Variants in LRCH1 observed in about 807,000 individuals in gnomAD.
LRCH1 encodes leucine rich repeats and calponin homology domain containing 1.
In LRCH1, 23 loss-of-function variants were observed where a neutral mutation model predicts 94.9. The ratio of observed to expected loss-of-function variants is 0.24; its 90% confidence interval spans 0.17 to 0.34. The LOEUF is 0.34. LRCH1 is among the 10% of genes least tolerant of loss of function. The probability of loss-of-function intolerance (pLI) is 1.00; values close to 1 mark genes in which losing one functional copy is unlikely to be tolerated. For synonymous variants in LRCH1, 364 were observed against 354.9 expected (o/e 1.03, Z -0.29); for missense variants, 790 against 945.9 (o/e 0.84, Z 2.16).
chr13:46,553,504 C>T lies in LRCH1; in HGVS notation c.108C>T (p.His36=). 1.3e-6 allele frequency: 2 copies of T among 1,547,044 alleles called. No homozygotes were observed. The highest frequency in any genetic ancestry group is 8.7e-7 in the Non-Finnish European group (1 of 1,145,192). Residue 36 remains histidine, a synonymous_variant, in exon 1 of 20, where the codon CAC becomes CAT. Coordinates refer to ENST00000389797, the MANE Select transcript of LRCH1 (RefSeq NM_001164211.2). ...PHHHHHHHQH[H]GGTGAPGGAG... is the part of the protein sequence containing the mutation. ...ACCACCACCACCACCATCAGCACCA[C>T]GGAGGAACCGGCGCCCCCGGCGGGG...
At chr13:46,618,759 T>G (rs1309391359) in intron 1 of LRCH1, among the ~76,000 whole-genome samples, 1 of 152,196 alleles carries the variant, frequency 6.6e-6, no homozygotes, top group African/African-American at 2.4e-5. Context: ...GTAGAGATTT[T>G]TTTTTTCTTG....
intron 2 of LRCH1, among the ~76,000 whole-genome samples, chr13:46,651,323 T>A (rs1285326225): frequency 2.0e-5 from 3 of 152,204 alleles, no homozygotes; most frequent in African/African-American, 7.2e-5. Context: ...TTTGATTTAG[T>A]TGGCTACTGA....
chr13:46,717,570 A>G (rs1211724246), intron 16 of LRCH1: 1 of 152,140 alleles, frequency 6.6e-6, no homozygotes, highest in African/African-American at 2.4e-5. Flanking sequence ...TCTGACTTTT[A>G]TGTTTATCTT....
chr13:46,597,057 G>C (rs1270770748), intron 1 of LRCH1, among the ~76,000 whole-genome samples: 1 of 152,200 alleles, frequency 6.6e-6, no homozygotes, highest in Non-Finnish European at 1.5e-5. Flanking sequence ...TTCTGTATCT[G>C]TGAAATTGGC....
chr13:46,566,754 A>G (rs184153337), intron 1 of LRCH1, among the ~76,000 whole-genome samples: 1 of 152,316 alleles, frequency 6.6e-6, no homozygotes, highest in East Asian at 1.9e-4. Context: ...ATTTCTACAG[A>G]TGGTCCTCGG....
intron 17 of LRCH1, among the ~76,000 whole-genome samples, chr13:46,723,996 T>G (rs1356330125): frequency 6.6e-6 from 1 of 152,168 alleles, no homozygotes; most frequent in Non-Finnish European, 1.5e-5. Flanking sequence ...TTTATTTATT[T>G]ATGTGTTTTT....
intron 2 of LRCH1, among the ~76,000 whole-genome samples, chr13:46,654,537 T>G (rs893945135): frequency 1.3e-5 from 2 of 152,116 alleles, no homozygotes; most frequent in Non-Finnish European, 2.9e-5. Flanking sequence ...AATCTAGTGT[T>G]TTTTCTTCAG....
In LRCH1 at chr13:46,741,649, T is replaced by A. The variant is rs201825809; in HGVS notation, c.2093T>A (p.Leu698His). The change falls in exon 20 of 20, where the codon CTC becomes CAC. Residue 698 changes from leucine (L) to histidine (H), a missense_variant. Coordinates refer to ENST00000389797, the MANE Select transcript of LRCH1 (RefSeq NM_001164211.2). Reference sequence around the variant, plus strand: ...TGGCTGCCCTCGGAATAGGCTGACCTCTGCTCTCCGTGTGACATCCTGCAG... The same window carrying A: ...TGGCTGCCCTCGGAATAGGCTGACCACTGCTCTCCGTGTGACATCCTGCAG... ...CRKLGVPEAD[L>H]CSPCDILQLD... The A allele has an allele frequency of 6.8e-6, 11 of 1,614,170 alleles. No individual in the cohort carries two copies. The highest frequency in any genetic ancestry group is 8.5e-6 in the Non-Finnish European group (10 of 1,179,994).
chr13:46,684,880 C>G (rs1018050695), intron 4 of LRCH1, among the ~76,000 whole-genome samples: 9 of 152,296 alleles, frequency 5.9e-5, no homozygotes, highest in South Asian at 2.1e-4. Flanking sequence ...AGAATCTTTT[C>G]CTGCTGGAAT....
chr13:46,729,550 C>A (rs1312360944), intron 18 of LRCH1, among the ~76,000 whole-genome samples: 17 of 89,134 alleles, frequency 1.9e-4, no homozygotes, highest in African/African-American at 4.2e-4. Context: ...GACCCTGTCT[C>A]AAAAAAAAAA....
At chr13:46,727,564 G>A (rs563472217) in intron 17 of LRCH1, among the ~76,000 whole-genome samples, 1 of 152,260 alleles carries the variant, frequency 6.6e-6, no homozygotes, top group African/African-American at 2.4e-5. Context: ...GAGCAGTGGC[G>A]CAATCTCGGC....
intron 1 of LRCH1, among the ~76,000 whole-genome samples, chr13:46,641,464 C>G (rs1248817825): frequency 6.6e-6 from 1 of 152,166 alleles, no homozygotes; most frequent in East Asian, 1.9e-4. Flanking sequence ...ACAGATTCAC[C>G]TTTTACCCAG....
In LRCH1 at chr13:46,632,493, ATAT is replaced by A. The variant is rs1594301103; in HGVS notation, c.308-17707_308-17705del. ...TTATGTCCACTTTAGCATGAGACTA[ATAT>A]ACAGTTTGAACTTCAGGGGAGAAAA... On this transcript the variant is annotated intron_variant, in intron 1 of 19. Coordinates refer to ENST00000389797, the MANE Select transcript of LRCH1 (RefSeq NM_001164211.2). Among the ~76,000 whole-genome samples, 8 of 152,358 alleles carry A rather than the reference ATAT, an allele frequency of 5.3e-5. No individual in the cohort carries two copies. In the East Asian group the frequency reaches 1.5e-3, roughly 29 times the overall value.
At position 46,607,593 on chromosome 13, in the gene LRCH1, T is replaced by TTTCTCC. The variant is rs527663901; in HGVS notation, c.308-42590_308-42585dup. Among the ~76,000 whole-genome samples the TTTCTCC allele has an allele frequency of 1.1e-4, 17 of 152,116 alleles. No individual in the cohort carries two copies. The East Asian group carries it at 3.3e-3, about 29-fold the overall frequency. ...ATTCATTGTTCTTCTCCTTCTCCTT[T>TTTCTCC]TTCTCCTTCTCCTTCTCCTTCTCTT... On this transcript the variant is annotated intron_variant, in intron 1 of 19. Coordinates refer to ENST00000389797, the MANE Select transcript of LRCH1 (RefSeq NM_001164211.2).
At chr13:46,580,198 T>C (rs1427954110) in intron 1 of LRCH1, among the ~76,000 whole-genome samples, 3 of 152,246 alleles carry the variant, frequency 2.0e-5, no homozygotes, top group African/African-American at 7.2e-5. Context: ...GAAAGCTTGG[T>C]AGAACTATTT....
chr13:46,651,323 T>C (rs1285326225), intron 2 of LRCH1, among the ~76,000 whole-genome samples: 1 of 152,204 alleles, frequency 6.6e-6, no homozygotes, highest in African/African-American at 2.4e-5. Context: ...TTTGATTTAG[T>C]TGGCTACTGA....
intron 3 of LRCH1, among the ~76,000 whole-genome samples, chr13:46,670,625 CAG>C (rs1329508525): frequency 6.6e-6 from 1 of 150,920 alleles, no homozygotes; most frequent in African/African-American, 2.4e-5. Context: ...TGAAAGAAGA[CAG>C]ATATTAATTT....
chr13:46,616,885 A>G (rs1435968860), intron 1 of LRCH1, among the ~76,000 whole-genome samples: 1 of 152,228 alleles, frequency 6.6e-6, no homozygotes, highest in Non-Finnish European at 1.5e-5. Context: ...TTTTGCGGGC[A>G]GGAGTGGATC....
chr13:46,656,035 T>A (rs1383261877), intron 2 of LRCH1, among the ~76,000 whole-genome samples: 1 of 152,210 alleles, frequency 6.6e-6, no homozygotes, highest in Admixed American at 6.5e-5. Flanking sequence ...TTTGGCTGCT[T>A]TCTCTGCAGC....
Sources: allele counts gnomAD v4.1 joint callset (sites outside exome capture counted in the v4.1 genomes callset), GRCh38; gene constraint gnomAD v4.1.1; transcripts MANE v1.5; gene names NCBI Gene and HGNC (gene_info 2026-07-23, HGNC 2026-07-21).